Variants in PRKCA observed in about 807,000 individuals in gnomAD.
PRKCA encodes protein kinase C alpha type.
A neutral mutation model predicts 87.0 loss-of-function variants in PRKCA; 27 were observed. The ratio of observed to expected loss-of-function variants is 0.31; its 90% CI spans 0.23 to 0.43. The LOEUF (loss-of-function observed/expected upper bound fraction) is 0.43. Ranked by LOEUF, PRKCA falls within the 20% of genes least tolerant of loss-of-function variation. PRKCA has a pLI of 1.00. For synonymous variants in PRKCA, 329 were observed against 311.1 expected (o/e 1.06, Z -0.61); for missense variants, 518 against 852.3 (o/e 0.61, Z 4.88).
chr17:66,756,706 G>T (rs556884644), intron 13 of PRKCA, among the ~76,000 whole-genome samples: 39 of 152,198 alleles, frequency 2.6e-4, no homozygotes, highest in Middle Eastern at 3.4e-3. Flanking sequence ...CTGTCACCCA[G>T]GCTGGAGTCC....
At chr17:66,766,384 G>T (rs1203365450) in intron 13 of PRKCA, among the ~76,000 whole-genome samples, 1 of 151,554 alleles carries the variant, frequency 6.6e-6, no homozygotes, top group Non-Finnish European at 1.5e-5. Flanking sequence ...TTTCCAATTC[G>T]GACATCAGTT....
intron 14 of PRKCA, among the ~76,000 whole-genome samples, chr17:66,785,916 C>T (rs1051679630): frequency 1.3e-5 from 2 of 152,226 alleles, no homozygotes; most frequent in East Asian, 3.9e-4. Flanking sequence ...GCAAGCCCCG[C>T]CTCCCAGGTT....
chr17:66,731,852 C>T (rs1456629039), intron 8 of PRKCA, among the ~76,000 whole-genome samples: 1 of 137,704 alleles, frequency 7.3e-6, no homozygotes, highest in Non-Finnish European at 1.5e-5. Context: ...GGCGCGATCT[C>T]AGCTCACTGC....
intron 11 of PRKCA, among the ~76,000 whole-genome samples, chr17:66,740,011 G>A (rs1350466976): frequency 6.6e-6 from 1 of 152,094 alleles, no homozygotes; most frequent in Non-Finnish European, 1.5e-5. Flanking sequence ...TGGAGCCAAA[G>A]AGGAATAAGT....
chr17:66,520,124 A>C (rs1478772087), intron 3 of PRKCA, among the ~76,000 whole-genome samples: 1 of 129,174 alleles, frequency 7.7e-6, no homozygotes, highest in East Asian at 2.2e-4. Context: ...CCACACTAAT[A>C]ATTTTTTTTT....
intron 8 of PRKCA, among the ~76,000 whole-genome samples, chr17:66,714,128 G>A (rs1417566202): frequency 4.6e-5 from 7 of 152,078 alleles, no homozygotes; most frequent in East Asian, 1.9e-4. Context: ...GGAGTATCTC[G>A]TGCGGTGGTG....
chr17:66,647,308 T>C (rs955595841), intron 5 of PRKCA, among the ~76,000 whole-genome samples: 1 of 152,214 alleles, frequency 6.6e-6, no homozygotes, highest in Admixed American at 6.5e-5. Flanking sequence ...GCTAAACATG[T>C]CCATGCTTTT....
chr17:66,711,529 C>A (rs967217540), intron 8 of PRKCA, among the ~76,000 whole-genome samples: 6 of 152,292 alleles, frequency 3.9e-5, no homozygotes, highest in African/African-American at 1.2e-4. Context: ...AAAACCTGGT[C>A]TATTATTGTC....
At chr17:66,524,034 TG>T (rs1967260284) in intron 3 of PRKCA, among the ~76,000 whole-genome samples, 1 of 152,186 alleles carries the variant, frequency 6.6e-6, no homozygotes, top group Admixed American at 6.5e-5. Flanking sequence ...TCTGTGCTGC[TG>T]ACTAGCTGGG....
At chr17:66,436,610 G>A (rs1026330826) in intron 2 of PRKCA, among the ~76,000 whole-genome samples, 12 of 152,210 alleles carry the variant, frequency 7.9e-5, no homozygotes, top group East Asian at 3.8e-4. Flanking sequence ...GGAATCAGTC[G>A]CAGAGAGGTG....
chr17:66,525,506 C>T (rs762848282), intron 3 of PRKCA, among the ~76,000 whole-genome samples: 2 of 152,250 alleles, frequency 1.3e-5, no homozygotes, highest in African/African-American at 4.8e-5. Context: ...CAGCTGTACA[C>T]GTGTTTTGTG....
At chr17:66,442,628 TAGCCTCCATCCC>T (rs1913832393) in intron 2 of PRKCA, among the ~76,000 whole-genome samples, 1 of 152,146 alleles carries the variant, frequency 6.6e-6, no homozygotes, top group Admixed American at 6.5e-5. Flanking sequence ...TTTTTCTTCA[TAGCCTCCATCCC>T]AGCTGTAATG....
intron 2 of PRKCA, among the ~76,000 whole-genome samples, chr17:66,407,225 A>G (rs1911466733): frequency 6.6e-6 from 1 of 151,712 alleles, no homozygotes; most frequent in Non-Finnish European, 1.5e-5. Flanking sequence ...TGGAACTGTG[A>G]TCCGCAGTGT....
At chr17:66,392,231 A>G (rs1410870688) in intron 2 of PRKCA, among the ~76,000 whole-genome samples, 7 of 134,712 alleles carry the variant, frequency 5.2e-5, no homozygotes, top group Non-Finnish European at 1.1e-4. Context: ...CTGTGTCTCA[A>G]CAACAACAAA....
chr17:66,574,575 G>A (rs527521809), intron 3 of PRKCA, among the ~76,000 whole-genome samples: 20 of 152,224 alleles, frequency 1.3e-4, no homozygotes, highest in African/African-American at 4.8e-4. Flanking sequence ...TGTCAACTCT[G>A]TATAAGCAGG....
chr17:66,747,240 A>T (rs1429898621), intron 13 of PRKCA, among the ~76,000 whole-genome samples: 2 of 151,760 alleles, frequency 1.3e-5, no homozygotes, highest in African/African-American at 4.9e-5. Flanking sequence ...TGCTAATTTT[A>T]AAAAAATTTT....
At chr17:66,636,500 C>A (rs999239652) in intron 3 of PRKCA, among the ~76,000 whole-genome samples, 1 of 152,130 alleles carries the variant, frequency 6.6e-6, no homozygotes, top group Non-Finnish European at 1.5e-5. Flanking sequence ...GGAGGAAGTC[C>A]CTTGACTTCT....
chr17:66,587,865 A>ATGTGTGTGTGTGTGTGTGTGTG (rs763898815), intron 3 of PRKCA, among the ~76,000 whole-genome samples: 1 of 56,516 alleles, frequency 1.8e-5, no homozygotes, highest in African/African-American at 5.9e-5. Context: ...ATATATACAT[A>ATGTGTGTGTGTGTGTGTGTGTG]TGTATGTGTG....
intron 3 of PRKCA, among the ~76,000 whole-genome samples, chr17:66,634,537 A>G (rs1375056124): frequency 6.6e-6 from 1 of 152,252 alleles, no homozygotes; most frequent in Non-Finnish European, 1.5e-5. Flanking sequence ...CCCTAAGTCT[A>G]GCCAGACTTG....
Sources: allele counts gnomAD v4.1 joint callset (sites outside exome capture counted in the v4.1 genomes callset), GRCh38; gene constraint gnomAD v4.1.1; transcripts MANE v1.5; gene names NCBI Gene and HGNC (gene_info 2026-07-23, HGNC 2026-07-21).